Variants in ERBB4 observed in about 807,000 individuals in gnomAD.
ERBB4 encodes the protein erb-b2 receptor tyrosine kinase 4.
Under a neutral mutation model 158.0 loss-of-function variants are expected in ERBB4, and 42 were observed. The ratio of observed to expected loss-of-function variants is 0.27; its 90% CI spans 0.21 to 0.34. The LOEUF is 0.34. ERBB4 is among the 10% of genes least tolerant of loss of function. The probability of loss-of-function intolerance (pLI) is 1.00; values close to 1 mark genes in which losing one functional copy is unlikely to be tolerated. For synonymous variants in ERBB4, 583 were observed against 558.7 expected, an observed-to-expected ratio of 1.04 and a Z score of -0.61; for missense variants, 1,333 against 1,624.1, an observed-to-expected ratio of 0.82 and a Z score of 3.08.
chr2:212,452,009 GT>G (rs755896726), intron 1 of ERBB4, among the ~76,000 whole-genome samples: 8,286 of 138,836 alleles, frequency 0.06, 280 homozygotes, highest in Middle Eastern at 0.11. Context: ...GAGTGTGCAG[GT>G]TTTTTTTTTT....
At chr2:212,188,918 T>C (rs1660942912) in intron 1 of ERBB4, among the ~76,000 whole-genome samples, 1 of 152,116 alleles carries the variant, frequency 6.6e-6, no homozygotes, top group African/African-American at 2.4e-5. Context: ...AAATGCATGC[T>C]GAACATTCAT....
At chr2:211,680,873 T>C (rs2072308054) in intron 12 of ERBB4, among the ~76,000 whole-genome samples, 1 of 152,186 alleles carries the variant, frequency 6.6e-6, no homozygotes, top group Non-Finnish European at 1.5e-5. Flanking sequence ...GAAGTATACA[T>C]AGCATACAAT....
chr2:212,537,604 A>G (rs1693164214), intron 1 of ERBB4, among the ~76,000 whole-genome samples: 1 of 152,078 alleles, frequency 6.6e-6, no homozygotes, highest in Non-Finnish European at 1.5e-5. Flanking sequence ...AGTGACCCGC[A>G]GGCTCGGCAG....
chr2:211,789,815 C>T (rs976654543), intron 3 of ERBB4, among the ~76,000 whole-genome samples: 7 of 152,094 alleles, frequency 4.6e-5, no homozygotes, highest in Non-Finnish European at 1.0e-4. Flanking sequence ...AGGAACGTGT[C>T]ACACCACAAG....
At chr2:211,614,241 T>C (rs2069301447) in intron 19 of ERBB4, among the ~76,000 whole-genome samples, 1 of 151,930 alleles carries the variant, frequency 6.6e-6, no homozygotes, top group Admixed American at 6.6e-5. Flanking sequence ...CTCATGAAGA[T>C]AGAGAGTAGA....
chr2:211,474,560 G>C (rs1279997464), intron 20 of ERBB4, among the ~76,000 whole-genome samples: 1 of 151,992 alleles, frequency 6.6e-6, no homozygotes, highest in Non-Finnish European at 1.5e-5. Context: ...GCATATGGTA[G>C]TTCCATTTAC....
At chr2:212,361,180 A>G (rs1342091133) in intron 1 of ERBB4, among the ~76,000 whole-genome samples, 2 of 151,692 alleles carry the variant, frequency 1.3e-5, no homozygotes, top group Non-Finnish European at 3.0e-5. Context: ...ATTTTGTGTA[A>G]TAACATTTCC....
intron 1 of ERBB4, among the ~76,000 whole-genome samples, chr2:212,330,359 T>G (rs1183465617): frequency 6.6e-6 from 1 of 152,108 alleles, no homozygotes; most frequent in Admixed American, 6.6e-5. Flanking sequence ...GGCTCACGCC[T>G]GTAATCAACA....
intron 3 of ERBB4, among the ~76,000 whole-genome samples, chr2:211,880,857 T>C (rs999151681): frequency 6.6e-6 from 1 of 152,184 alleles, no homozygotes; most frequent in African/African-American, 2.4e-5. Context: ...ACCAACCACA[T>C]CAATTTTCAA....
intron 3 of ERBB4, among the ~76,000 whole-genome samples, chr2:211,858,943 G>A (rs1206601521): frequency 6.6e-6 from 1 of 151,926 alleles, no homozygotes; most frequent in Non-Finnish European, 1.5e-5. Context: ...CACCACACCA[G>A]GCTAATTTTT....
Position 211,604,036 on chromosome 2 carries a change from C to T in ERBB4, c.2301+15141G>A, listed in dbSNP as rs548626969. Among the ~76,000 whole-genome samples the T allele has an allele frequency of 5.3e-5, 8 of 152,284 alleles. No homozygotes were observed. The East Asian group carries it at 1.5e-3, about 29-fold the overall frequency. On this transcript the variant is annotated intron_variant, in intron 19 of 27. Coordinates refer to ENST00000342788, the MANE Select transcript of ERBB4 (RefSeq NM_005235.3). ...ATTCTTTCTAATCTCTCAAAATATT[C>T]ATTAGTTTATATCATTTTATGTTTT...
At chr2:211,597,671 T>C (rs2125806317) in intron 19 of ERBB4, among the ~76,000 whole-genome samples, 1 of 151,316 alleles carries the variant, frequency 6.6e-6, no homozygotes, top group East Asian at 1.9e-4. Context: ...ATTCATCTTT[T>C]CATTAGAGCT....
At chr2:212,458,885 C>T (rs1688434975) in intron 1 of ERBB4, among the ~76,000 whole-genome samples, 2 of 152,120 alleles carry the variant, frequency 1.3e-5, no homozygotes, top group African/African-American at 4.8e-5. Context: ...AGGAGAAGAA[C>T]ATATCTTGTT....
intron 1 of ERBB4, among the ~76,000 whole-genome samples, chr2:212,502,489 A>G (rs1448723997): frequency 6.6e-6 from 1 of 152,162 alleles, no homozygotes; most frequent in Non-Finnish European, 1.5e-5. Context: ...CACTTGGCTC[A>G]AAAATGACCA....
At chr2:212,393,778 T>TA (rs1434174385) in intron 1 of ERBB4, among the ~76,000 whole-genome samples, 1 of 152,106 alleles carries the variant, frequency 6.6e-6, no homozygotes, top group Non-Finnish European at 1.5e-5. Flanking sequence ...GGTCATATAT[T>TA]AAAAATAGTT....
At chr2:211,600,073 C>A (rs1574836657) in intron 19 of ERBB4, among the ~76,000 whole-genome samples, 1 of 152,116 alleles carries the variant, frequency 6.6e-6, no homozygotes, top group South Asian at 2.1e-4. Flanking sequence ...ATAAGGGAAG[C>A]TTTCCACAAT....
chr2:211,691,602 G>GTGTGTGTGTGTGTGTGTGTA (rs1225867697), intron 12 of ERBB4, among the ~76,000 whole-genome samples: 13 of 145,426 alleles, frequency 8.9e-5, no homozygotes, highest in African/African-American at 3.3e-4. Context: ...GTGTGTGTGT[G>GTGTGTGTGTGTGTGTGTGTA]TATATATATA....
intron 2 of ERBB4, among the ~76,000 whole-genome samples, chr2:211,993,201 C>G (rs181632695): frequency 1.9e-3 from 287 of 152,190 alleles, no homozygotes; most frequent in Non-Finnish European, 3.0e-3. Context: ...GAGGTAATTA[C>G]GGTTAAATGA....
At chr2:212,211,581 G>A (rs1574442930) in intron 1 of ERBB4, among the ~76,000 whole-genome samples, 1 of 147,896 alleles carries the variant, frequency 6.8e-6, no homozygotes. Flanking sequence ...CTAAACAGCA[G>A]AAGTTTCCAT....
Sources: gnomAD v4.1 joint callset for allele counts (sites outside exome capture counted in the v4.1 genomes callset) on GRCh38, gnomAD v4.1.1 for gene constraint, MANE v1.5 for transcripts, NCBI Gene and HGNC (gene_info 2026-07-23, HGNC 2026-07-21) for gene names.